The following AFAP1L2 variants were observed in gnomAD, a reference collection of about 807,000 sequenced individuals.
AFAP1L2 encodes the protein actin filament associated protein 1 like 2, also known as actin filament-associated protein 1-like 2.
A neutral mutation model predicts 99.3 loss-of-function variants in AFAP1L2; 46 were observed. The observed-to-expected ratio is 0.46, with a 90% CI of 0.37 to 0.59. AFAP1L2 has a LOEUF of 0.59. Ranked by LOEUF, AFAP1L2 falls within the 20% of genes least tolerant of loss-of-function variation. The probability of loss-of-function intolerance (pLI) is 0.00; values close to 1 mark genes in which losing one functional copy is unlikely to be tolerated. For missense variants in AFAP1L2, 959 were observed against 1,034.9 expected, an observed-to-expected ratio of 0.93 and a Z score of 1.01; for synonymous variants, 397 against 419.1, an observed-to-expected ratio of 0.95 and a Z score of 0.64.
intron 1 of AFAP1L2, among the ~76,000 whole-genome samples, chr10:114,366,449 A>G (rs1352288824): frequency 2.6e-5 from 4 of 152,166 alleles, no homozygotes; most frequent in African/African-American, 9.7e-5. Flanking sequence ...TTCCTAAAGG[A>G]TTTCTGAAAA....
downstream of AFAP1L2, among the ~76,000 whole-genome samples, chr10:114,291,797 G>A (rs2039627150): frequency 2.0e-5 from 3 of 152,212 alleles, no homozygotes; most frequent in Admixed American, 6.5e-5. Flanking sequence ...AGGGACGTTT[G>A]TGACTTCTGG....
chr10:114,299,190 CT>C (rs535507582), intron 16 of AFAP1L2, 69 bp downstream of exon 16: 15 of 1,580,168 alleles, frequency 9.5e-6, no homozygotes, highest in African/African-American at 1.4e-5. Context: ...ACAGCCAGAT[CT>C]TCCGCCAAAA....
At chr10:114,349,436 A>C (rs1186684212) in intron 1 of AFAP1L2, among the ~76,000 whole-genome samples, 1 of 151,562 alleles carries the variant, frequency 6.6e-6, no homozygotes, top group Non-Finnish European at 1.5e-5. Flanking sequence ...AGAAAAAAGA[A>C]GACTGAGCCA....
intron 1 of AFAP1L2, among the ~76,000 whole-genome samples, chr10:114,374,049 C>A (rs2054486013): frequency 6.6e-6 from 1 of 152,076 alleles, no homozygotes; most frequent in South Asian, 2.1e-4. Flanking sequence ...ATCAGAGTGA[C>A]AACACACAGC....
rs375310233 is a variant in AFAP1L2, at chr10:114,314,078, C to T, written c.613-28G>A. 1.9e-6 allele frequency: 3 copies of T among 1,594,804 alleles called. No homozygotes were observed. The African/African-American group carries it at 4.0e-5, about 21-fold the overall frequency. On this transcript the variant is annotated intron_variant, in intron 6 of 18. Transcript: ENST00000304129. ...GGAAGGAAAGAGAGAAGATACACCA[C>T]TTTGCCAGGGGTGCCGGGCGGAGGT...
In AFAP1L2 at chr10:114,399,218, AT is replaced by A. The variant is rs1463910812; in HGVS notation, c.16+5221del. On this transcript the variant is annotated intron_variant, in intron 1 of 18. Coordinates refer to ENST00000304129, the MANE Select transcript of AFAP1L2 (RefSeq NM_001001936.3). The stretch of plus-strand genomic sequence containing the variant: ...GCCTGGCAGGGAAACAAACATAGAC[AT>A]GTACAATTATTAGACAAATGTGACA... Among the ~76,000 whole-genome samples, 8 of 152,344 alleles carry A rather than the reference AT, an allele frequency of 5.3e-5. No individual in the cohort carries two copies. The East Asian group carries it at 1.5e-3, about 29-fold the overall frequency.
At chr10:114,284,102 A>G in the AFAP1L2 span, among the ~76,000 whole-genome samples, 1 of 152,192 alleles carries the variant, frequency 6.6e-6, no homozygotes, top group Non-Finnish European at 1.5e-5. Flanking sequence ...AAGCAATGAG[A>G]TGCTCAGGCA....
chr10:114,369,888 T>C (rs1397343379), intron 1 of AFAP1L2, among the ~76,000 whole-genome samples: 1 of 152,138 alleles, frequency 6.6e-6, no homozygotes, highest in Non-Finnish European at 1.5e-5. Flanking sequence ...AAAATTAACA[T>C]GCACTCATTG....
chr10:114,305,519 G>A (rs1245281510), intron 10 of AFAP1L2, among the ~76,000 whole-genome samples: 4 of 122,086 alleles, frequency 3.3e-5, no homozygotes, highest in South Asian at 3.1e-4. Flanking sequence ...GCAGGAGGGG[G>A]TGCAGGTACA....
chr10:114,327,257 C>T (rs1365061167), intron 4 of AFAP1L2, among the ~76,000 whole-genome samples: 14 of 146,076 alleles, frequency 9.6e-5, no homozygotes, highest in Non-Finnish European at 7.5e-5. Context: ...TTTCAGCTCC[C>T]AGGTTCAAGT....
At chr10:114,367,715 G>C (rs1208483964) in intron 1 of AFAP1L2, among the ~76,000 whole-genome samples, 1 of 152,114 alleles carries the variant, frequency 6.6e-6, no homozygotes, top group East Asian at 1.9e-4. Flanking sequence ...AGCTTTCCCG[G>C]GCAAGGAGGC....
At chr10:114,375,066 A>T (rs1210968278) in intron 1 of AFAP1L2, among the ~76,000 whole-genome samples, 2 of 152,036 alleles carry the variant, frequency 1.3e-5, no homozygotes, top group Admixed American at 1.3e-4. Context: ...CCTAAATCAG[A>T]CTCGACACCT....
chr10:114,367,538 G>A (rs769961508), intron 1 of AFAP1L2, among the ~76,000 whole-genome samples: 1 of 152,214 alleles, frequency 6.6e-6, no homozygotes, highest in African/African-American at 2.4e-5. Flanking sequence ...AGGGTTGTTT[G>A]CAGAGCAGCA....
intron 1 of AFAP1L2, among the ~76,000 whole-genome samples, chr10:114,361,438 C>G (rs2052397047): frequency 6.6e-6 from 1 of 152,136 alleles, no homozygotes; most frequent in Admixed American, 6.5e-5. Flanking sequence ...GGAGATTGTT[C>G]CCAAACTCCG....
intron 4 of AFAP1L2, among the ~76,000 whole-genome samples, chr10:114,326,812 G>C (rs1402540334): frequency 6.6e-6 from 1 of 152,088 alleles, no homozygotes; most frequent in Non-Finnish European, 1.5e-5. Context: ...AAGGATTGAA[G>C]TGTGCCTATC....
the AFAP1L2 span, among the ~76,000 whole-genome samples, chr10:114,288,519 A>G: frequency 0.021 from 3,238 of 152,302 alleles, 61 homozygotes; most frequent in South Asian, 0.069. Context: ...TTTCTCTCAC[A>G]TACAGTTCAG....
chr10:114,331,096 G>T (rs193115522), intron 4 of AFAP1L2, among the ~76,000 whole-genome samples: 15 of 152,288 alleles, frequency 9.8e-5, no homozygotes, highest in Non-Finnish European at 1.6e-4. Flanking sequence ...GGATGAGGAG[G>T]CAGGACATGC....
intron 18 of AFAP1L2, 185 bp downstream of exon 18, chr10:114,296,793 C>T (rs186831459): frequency 5.5e-5 from 50 of 908,714 alleles, no homozygotes; most frequent in Admixed American, 4.7e-4. Flanking sequence ...AGACACCTTT[C>T]TGGTTGGTCA....
At chr10:114,391,606 GC>G (rs2057167482) in intron 1 of AFAP1L2, among the ~76,000 whole-genome samples, 1 of 152,202 alleles carries the variant, frequency 6.6e-6, no homozygotes, top group African/African-American at 2.4e-5. Flanking sequence ...CCCTTAAGGA[GC>G]TTACAGCCTA....
Sources: allele counts gnomAD v4.1 joint callset (sites outside exome capture counted in the v4.1 genomes callset), GRCh38; gene constraint gnomAD v4.1.1; transcripts MANE v1.5; gene names NCBI Gene and HGNC (gene_info 2026-07-23, HGNC 2026-07-21).